The following SSH2 variants were observed in gnomAD, a reference collection of about 807,000 sequenced individuals.
SSH2 encodes protein phosphatase Slingshot homolog 2.
Under a neutral mutation model 135.2 loss-of-function variants are expected in SSH2, and 37 were observed. The ratio of observed to expected loss-of-function variants is 0.27; its 90% CI spans 0.21 to 0.36. The LOEUF is 0.36. Ranked by LOEUF, SSH2 falls within the 10% of genes least tolerant of loss-of-function variation. The pLI is 1.00. For missense variants in SSH2, 1,408 were observed against 1,765.3 expected (o/e 0.80, Z 3.63); for synonymous variants, 628 against 646.2 (o/e 0.97, Z 0.43).
intron 3 of SSH2, among the ~76,000 whole-genome samples, chr17:29,756,288 A>C (rs1257607875): frequency 6.7e-6 from 1 of 148,954 alleles, no homozygotes; most frequent in Admixed American, 6.7e-5. Flanking sequence ...AAAGAGAGGG[A>C]GATAGATAGT....
At chr17:29,654,499 G>C (rs1726780726) in intron 12 of SSH2, among the ~76,000 whole-genome samples, 1 of 152,164 alleles carries the variant, frequency 6.6e-6, no homozygotes, top group South Asian at 2.1e-4. Context: ...TTATGGCTGA[G>C]AAAACAGGCA....
At chr17:29,780,613 C>CG (rs1471504488) in intron 3 of SSH2, 1 of 151,686 alleles carries the variant, frequency 6.6e-6, no homozygotes, top group East Asian at 1.9e-4. Context: ...TTAGTAGAGA[C>CG]GGGGTTTCAC....
chr17:29,753,794 A>C lies in SSH2; in HGVS notation c.188+40100T>G, dbSNP rs1346956376. On this transcript the variant is annotated intron_variant, in intron 3 of 15. Transcript: ENST00000540801. ...GGCGATAGAGTGAGACTCTGTCTGA[A>C]AAAAAAAAAAAAAAAGAACAAATTG... 1.9e-4 allele frequency among the ~76,000 whole-genome samples: 5 copies of C among 26,970 alleles called. No individual in the cohort carries two copies. The African/African-American group carries it at 5.9e-3, about 32-fold the overall frequency. The allele number at this position is 26,970 out of a possible 152,430, so 17.7% of individuals were successfully genotyped here.
At chr17:29,684,799 A>G in intron 5 of SSH2, 115 bp from the exon 6 acceptor site, 2 of 886,456 alleles carry the variant, frequency 2.3e-6, no homozygotes, top group South Asian at 4.0e-5. Context: ...CAGAGCCAGT[A>G]GTTAGGAGAC....
At chr17:29,848,726 G>A (rs920121212) in intron 2 of SSH2, 123 bp downstream of exon 2, 19 of 603,016 alleles carry the variant, frequency 3.2e-5, no homozygotes, top group Middle Eastern at 4.5e-4. Flanking sequence ...CCAGACATTT[G>A]GCTGAATGGG....
intron 2 of SSH2, among the ~76,000 whole-genome samples, chr17:29,819,801 T>C (rs1363615747): frequency 6.6e-6 from 1 of 152,224 alleles, no homozygotes; most frequent in Non-Finnish European, 1.5e-5. Flanking sequence ...TAGGCAGTCA[T>C]TAATAGACCA....
intron 2 of SSH2, among the ~76,000 whole-genome samples, chr17:29,847,616 A>G (rs557043876): frequency 3.9e-5 from 6 of 152,278 alleles, no homozygotes; most frequent in Non-Finnish European, 8.8e-5. Flanking sequence ...AGGTAGAACA[A>G]TGTGTATGAA....
intron 7 of SSH2, 78 bp from the exon 8 acceptor site, chr17:29,676,963 C>A: frequency 3.2e-6 from 4 of 1,262,422 alleles, no homozygotes; most frequent in Non-Finnish European, 3.5e-6. Context: ...ATGGATGTAT[C>A]CCAGGCTAAA....
At chr17:29,678,074 G>A (rs1054788856) in intron 6 of SSH2, among the ~76,000 whole-genome samples, 20 of 150,422 alleles carry the variant, frequency 1.3e-4, no homozygotes, top group African/African-American at 4.9e-4. Context: ...ATAGTACAGT[G>A]TCCACCTCGA....
intron 3 of SSH2, among the ~76,000 whole-genome samples, chr17:29,744,428 T>G (rs1274864911): frequency 6.6e-6 from 1 of 152,228 alleles, no homozygotes; most frequent in African/African-American, 2.4e-5. Flanking sequence ...GCAGTATCTC[T>G]TTTTTGACTC....
At chr17:29,641,955 T>A (rs73987115) in intron 14 of SSH2, among the ~76,000 whole-genome samples, 5,053 of 88,852 alleles carry the variant, frequency 0.057, 132 homozygotes, top group African/African-American at 0.1. Flanking sequence ...TTTTTTTTTT[T>A]AAAAAAAGAG....
chr17:29,913,669 C>T (rs917105489), intron 1 of SSH2, among the ~76,000 whole-genome samples: 1 of 151,120 alleles, frequency 6.6e-6, no homozygotes, highest in African/African-American at 2.4e-5. Context: ...AGTTTCATTC[C>T]TATTGCCCAG....
At chr17:29,711,739 G>A (rs1034558824) in intron 3 of SSH2, among the ~76,000 whole-genome samples, 5 of 152,132 alleles carry the variant, frequency 3.3e-5, no homozygotes, top group South Asian at 2.1e-4. Flanking sequence ...AATTCTCCCC[G>A]TGGAATCTGA....
chr17:29,826,299 T>C (rs1442936559), intron 2 of SSH2, among the ~76,000 whole-genome samples: 1 of 152,136 alleles, frequency 6.6e-6, no homozygotes, highest in Admixed American at 6.5e-5. Context: ...AGCTTCCACC[T>C]AGAAGTGACA....
rs899818068 is a variant in SSH2 at position 29,848,838 on chromosome 17, T to C, written c.144+11A>G. On this transcript the variant is annotated intron_variant, in intron 2 of 15. Coordinates refer to ENST00000540801, the MANE Select transcript of SSH2 (RefSeq NM_001282129.2). ...TCACCAAAGTCTGTATAAAAACATA[T>C]ACCTACGTACATTGGAATCAGTAAA... 5 of 1,505,122 alleles carry C rather than the reference T, an allele frequency of 3.3e-6. No individual in the cohort carries two copies. The highest frequency in any genetic ancestry group is 1.7e-4 in the Middle Eastern group (1 of 5,944). 93.2% of individuals were successfully genotyped at this position (1,505,122 alleles called of 1,614,324 possible).
rs543564764 is a variant in SSH2 at position 29,658,697 on chromosome 17, G to A, written c.1033-3090C>T. On this transcript the variant is annotated intron_variant, in intron 11 of 15. Transcript: ENST00000540801. ...AGCCTGACCACCATGGAGAAACCCCGTCTCTACTAAAAATACAAAATTAGC... is the reference window on the plus strand; with the variant it reads ...AGCCTGACCACCATGGAGAAACCCCATCTCTACTAAAAATACAAAATTAGC... Among the ~76,000 whole-genome samples, 10 of 151,718 alleles carry A rather than the reference G, an allele frequency of 6.6e-5. 1 individual carries two copies. The South Asian group carries it at 1.0e-3, about 16-fold the overall frequency.
intron 3 of SSH2, among the ~76,000 whole-genome samples, chr17:29,705,075 C>A (rs563424939): frequency 6.6e-6 from 1 of 152,280 alleles, no homozygotes; most frequent in South Asian, 2.1e-4. Flanking sequence ...CGTTCTCCAG[C>A]CTCATTCTCC....
At chr17:29,726,806 A>G (rs1294945666) in intron 3 of SSH2, among the ~76,000 whole-genome samples, 1 of 152,230 alleles carries the variant, frequency 6.6e-6, no homozygotes, top group Non-Finnish European at 1.5e-5. Context: ...GGGTCAAAAA[A>G]GGTCTATTTA....
chr17:29,719,415 G>C (rs1038001003), intron 3 of SSH2, among the ~76,000 whole-genome samples: 1 of 151,872 alleles, frequency 6.6e-6, no homozygotes, highest in Admixed American at 6.6e-5. Context: ...GGGAGGCTAA[G>C]GCAGGAGAAT....
Sources: gnomAD v4.1 joint callset for allele counts (sites outside exome capture counted in the v4.1 genomes callset) on GRCh38, gnomAD v4.1.1 for gene constraint, MANE v1.5 for transcripts, NCBI Gene and HGNC (gene_info 2026-07-23, HGNC 2026-07-21) for gene names.